The following GABRB3 variants were observed in gnomAD, a reference collection of about 807,000 sequenced individuals.
GABRB3 encodes the protein gamma-aminobutyric acid type A receptor subunit beta3.
Under a neutral mutation model 52.1 loss-of-function variants are expected in GABRB3, and 14 were observed. The observed-to-expected ratio is 0.27, with a 90% CI of 0.18 to 0.42. The LOEUF (loss-of-function observed/expected upper bound fraction) is 0.42, where lower values mean the gene tolerates loss of function less well. GABRB3 is among the 10% of genes least tolerant of loss of function. The probability of loss-of-function intolerance (pLI) is 1.00; values close to 1 mark genes in which losing one functional copy is unlikely to be tolerated. For synonymous variants in GABRB3, 260 were observed against 232.3 expected (o/e 1.12, Z -1.08); for missense variants, 307 against 609.1 (o/e 0.50, Z 5.22).
intron 3 of GABRB3, among the ~76,000 whole-genome samples, chr15:26,690,070 T>G (rs1033106396): frequency 7.2e-5 from 11 of 151,816 alleles, no homozygotes; most frequent in South Asian, 2.1e-4. Flanking sequence ...ATACAGCTCT[T>G]TTTTTTACCA....
chr15:26,590,962 G>A (rs988062055), intron 4 of GABRB3, among the ~76,000 whole-genome samples: 2 of 152,168 alleles, frequency 1.3e-5, no homozygotes, highest in African/African-American at 2.4e-5. Flanking sequence ...TCTTTTTCTA[G>A]GCTTTTCTGC....
chr15:26,710,961 T>G (rs1889275028), intron 3 of GABRB3, among the ~76,000 whole-genome samples: 1 of 152,100 alleles, frequency 6.6e-6, no homozygotes, highest in Non-Finnish European at 1.5e-5. Context: ...CCTGGGAGAC[T>G]GTTTTTGACA....
At chr15:26,712,829 T>C (rs1889344121) in intron 3 of GABRB3, among the ~76,000 whole-genome samples, 1 of 152,068 alleles carries the variant, frequency 6.6e-6, no homozygotes, top group South Asian at 2.1e-4. Flanking sequence ...ACAGAGCAGA[T>C]ATCGTGGCCG....
chr15:26,732,861 G>A (rs1751367178), intron 3 of GABRB3, among the ~76,000 whole-genome samples: 1 of 152,020 alleles, frequency 6.6e-6, no homozygotes, highest in African/African-American at 2.4e-5. Flanking sequence ...AGCCGGGAGT[G>A]GTGGTATGTG....
intron 3 of GABRB3, among the ~76,000 whole-genome samples, chr15:26,678,568 G>A (rs567279106): frequency 6.6e-6 from 1 of 152,062 alleles, no homozygotes; most frequent in Non-Finnish European, 1.5e-5. Context: ...GAGAGTGAGA[G>A]AGAGAGAGAG....
At chr15:26,607,625 G>A (rs1412910615) in intron 4 of GABRB3, among the ~76,000 whole-genome samples, 3 of 151,464 alleles carry the variant, frequency 2.0e-5, no homozygotes, top group South Asian at 2.1e-4. Flanking sequence ...GTTAAGTTAC[G>A]GGATATAAAA....
At chr15:26,745,378 G>C (rs906725413) in intron 3 of GABRB3, among the ~76,000 whole-genome samples, 1 of 152,110 alleles carries the variant, frequency 6.6e-6, no homozygotes, top group African/African-American at 2.4e-5. Context: ...AGTTTTCTCA[G>C]TGTTTACATC....
chr15:26,601,648 A>C (rs1891593530), intron 4 of GABRB3, among the ~76,000 whole-genome samples: 1 of 152,202 alleles, frequency 6.6e-6, no homozygotes, highest in Non-Finnish European at 1.5e-5. Context: ...TTTTATTTTC[A>C]ACTGTTTTGT....
chr15:26,598,839 GTT>G (rs1258547361), intron 4 of GABRB3, among the ~76,000 whole-genome samples: 1 of 152,182 alleles, frequency 6.6e-6, no homozygotes, highest in East Asian at 1.9e-4. Flanking sequence ...TGGTACTTCT[GTT>G]TCTCCCAGCT....
chr15:26,582,247 G>T (rs913791232), intron 5 of GABRB3, among the ~76,000 whole-genome samples: 10 of 152,198 alleles, frequency 6.6e-5, no homozygotes, highest in Non-Finnish European at 1.5e-4. Context: ...CATGCACTGT[G>T]TGACTTGACA....
chr15:26,618,934 C>T (rs1163891376), intron 4 of GABRB3, among the ~76,000 whole-genome samples: 51 of 149,062 alleles, frequency 3.4e-4, no homozygotes, highest in African/African-American at 1.1e-3. Flanking sequence ...CCATCACTGG[C>T]CATCAGAGAA....
intron 3 of GABRB3, among the ~76,000 whole-genome samples, chr15:26,671,763 G>A: frequency 6.6e-6 from 1 of 152,044 alleles, no homozygotes; most frequent in Non-Finnish European, 1.5e-5. Flanking sequence ...AATGAGTTTT[G>A]GAAGTGCATA....
intron 3 of GABRB3, chr15:26,716,511 T>A: frequency 1.2e-6 from 1 of 802,444 alleles, no homozygotes; most frequent in Non-Finnish European, 1.5e-6. Flanking sequence ...TCAGGGGGTT[T>A]GAGCAATGTG....
At chr15:26,640,964 C>T (rs369077404) in intron 3 of GABRB3, among the ~76,000 whole-genome samples, 11 of 152,146 alleles carry the variant, frequency 7.2e-5, no homozygotes, top group Admixed American at 5.2e-4. Context: ...TCTTGCTTTA[C>T]GTTCACCTTT....
chr15:26,667,341 G>A (rs559137200), intron 3 of GABRB3, among the ~76,000 whole-genome samples: 1 of 152,256 alleles, frequency 6.6e-6, no homozygotes, highest in African/African-American at 2.4e-5. Context: ...GGATCTGGGG[G>A]TGACACAGTC....
chr15:26,674,411 A>AG (rs1379944247), intron 3 of GABRB3, among the ~76,000 whole-genome samples: 3 of 119,878 alleles, frequency 2.5e-5, no homozygotes, highest in Non-Finnish European at 5.3e-5. Flanking sequence ...AAAAAAAAAA[A>AG]AAAAAAAAAA....
At chr15:26,604,724 C>G (rs971127648) in intron 4 of GABRB3, among the ~76,000 whole-genome samples, 1 of 134,828 alleles carries the variant, frequency 7.4e-6, no homozygotes, top group Non-Finnish European at 1.6e-5. Flanking sequence ...TGCAGAAGAA[C>G]GAAACTTGAC....
At chr15:26,560,245 T>G (rs780924688) in intron 8 of GABRB3, among the ~76,000 whole-genome samples, 31 of 152,132 alleles carry the variant, frequency 2.0e-4, no homozygotes, top group Non-Finnish European at 4.4e-4. Flanking sequence ...CAGATTATGA[T>G]CATCAAGCCT....
In GABRB3 at chr15:26,617,509, G is replaced by A. The variant is rs923388908; in HGVS notation, c.461+3805C>T. 5.5e-3 allele frequency among the ~76,000 whole-genome samples: 830 copies of A among 152,188 alleles called. 10 individuals are homozygous for A. Among genetic ancestry groups the A allele is most frequent in the African/African-American group, 0.019 (796 of 41,506 alleles). ...TCAATAAATTAGGTATTGATGGGAC[G>A]TATCTCAAAATAATAAGAGCTATCT... On this transcript the variant is annotated intron_variant, in intron 4 of 8. Transcript: ENST00000311550.
Sources: allele counts gnomAD v4.1 joint callset (sites outside exome capture counted in the v4.1 genomes callset), GRCh38; gene constraint gnomAD v4.1.1; transcripts MANE v1.5; gene names NCBI Gene and HGNC (gene_info 2026-07-23, HGNC 2026-07-21).